Variants in ATP9B observed in about 807,000 individuals in gnomAD.
ATP9B encodes probable phospholipid-transporting ATPase IIB.
ATP9B carries 110 observed loss-of-function variants against 146.1 expected under a neutral mutation model. The ratio of observed to expected loss-of-function variants is 0.75; its 90% CI spans 0.65 to 0.88. ATP9B has a LOEUF of 0.88. Ranked by LOEUF, ATP9B falls within the 40% of genes least tolerant of loss-of-function variation. The pLI, the probability that ATP9B is intolerant of heterozygous loss-of-function variation, is 0.00. For synonymous variants in ATP9B, 604 were observed against 569.7 expected (o/e 1.06, Z -0.86); for missense variants, 1,499 against 1,496.4 (o/e 1.00, Z -0.03).
intron 13 of ATP9B, among the ~76,000 whole-genome samples, chr18:79,284,998 A>C (rs2096420956): frequency 6.6e-6 from 1 of 151,932 alleles, no homozygotes; most frequent in African/African-American, 2.4e-5. Flanking sequence ...TATGTGCCAC[A>C]TTTTCTTAAT....
rs2095466033 is a variant in ATP9B, at chr18:79,200,717, T to TGGGAACTGTCAGGGTCAGAGCAGAGGC, written c.955-6218_955-6217insGAACTGTCAGGGTCAGAGCAGAGGCGG. On this transcript the variant is annotated intron_variant, in intron 9 of 29. Coordinates refer to ENST00000426216, the MANE Select transcript of ATP9B (RefSeq NM_198531.5). ...AAATGTGTTTATGTCAGAGCAGAGG[T>TGGGAACTGTCAGGGTCAGAGCAGAGGC]GGAGGTGGGGACTGTCGGGGTCAGA... 9.3e-5 allele frequency among the ~76,000 whole-genome samples: 9 copies of TGGGAACTGTCAGGGTCAGAGCAGAGGC among 97,074 alleles called. 1 individual carries two copies. Among genetic ancestry groups the TGGGAACTGTCAGGGTCAGAGCAGAGGC allele is most frequent in the African/African-American group, 5.2e-4 (9 of 17,458 alleles). 63.7% of individuals were successfully genotyped at this position (97,074 alleles called of 152,430 possible). A position where few individuals can be genotyped will look rare whatever the true frequency, so the allele number is the denominator to read the frequency against.
intron 8 of ATP9B, among the ~76,000 whole-genome samples, chr18:79,178,713 C>G (rs781248923): frequency 6.6e-6 from 1 of 152,054 alleles, no homozygotes; most frequent in Non-Finnish European, 1.5e-5. Context: ...TGGCATAAAC[C>G]TCACCTAGTA....
At chr18:79,193,696 A>T (rs1211447325) in intron 9 of ATP9B, among the ~76,000 whole-genome samples, 1 of 152,172 alleles carries the variant, frequency 6.6e-6, no homozygotes, top group South Asian at 2.1e-4. Flanking sequence ...ACTTTATATT[A>T]TTACAGAGTT....
intron 8 of ATP9B, among the ~76,000 whole-genome samples, chr18:79,184,470 C>G (rs2148034924): frequency 6.6e-6 from 1 of 152,224 alleles, no homozygotes; most frequent in South Asian, 2.1e-4. Flanking sequence ...CTCATCCTCG[C>G]TCTGCTTCCC....
chr18:79,277,696 A>C (rs1389686473), intron 13 of ATP9B, among the ~76,000 whole-genome samples: 1 of 152,098 alleles, frequency 6.6e-6, no homozygotes, highest in Non-Finnish European at 1.5e-5. Flanking sequence ...TCCTTATTTA[A>C]TTTTCTTCTT....
intron 11 of ATP9B, among the ~76,000 whole-genome samples, chr18:79,220,066 T>C (rs1380212324): frequency 6.6e-6 from 1 of 152,114 alleles, no homozygotes; most frequent in Non-Finnish European, 1.5e-5. Context: ...GCTGGGCTGG[T>C]GCAGAGGTTT....
intron 8 of ATP9B, among the ~76,000 whole-genome samples, chr18:79,188,623 AT>A (rs2095331695): frequency 6.6e-6 from 1 of 152,176 alleles, no homozygotes; most frequent in African/African-American, 2.4e-5. Context: ...CTATTCTCCC[AT>A]TTTGCTATAA....
intron 11 of ATP9B, among the ~76,000 whole-genome samples, chr18:79,243,990 C>CA (rs1340355040): frequency 6.6e-6 from 1 of 152,146 alleles, no homozygotes; most frequent in African/African-American, 2.4e-5. Context: ...GTATCATTAC[C>CA]TCTTAATAAA....
intron 1 of ATP9B, among the ~76,000 whole-genome samples, chr18:79,073,317 A>C (rs1267790535): frequency 6.6e-6 from 1 of 152,118 alleles, no homozygotes; most frequent in African/African-American, 2.4e-5. Context: ...AGATCACCCC[A>C]CTGCACTCCA....
rs76907504 is a variant in ATP9B, at chr18:79,103,267, G to GTT, written c.293+6635_293+6636dup. ...TAACTAAACCAAATAACTATTTGTA[G>GTT]TTTTTTTTTTTTTTTTTTAAGAAAT... On this transcript the variant is annotated intron_variant, in intron 2 of 29. Transcript: ENST00000426216. Among the ~76,000 whole-genome samples the GTT allele has an allele frequency of 4.7e-3, 631 of 133,250 alleles. 6 individuals are homozygous for GTT. The highest frequency in any genetic ancestry group is 0.013 in the African/African-American group (452 of 34,608). The allele number at this position is 133,250 out of a possible 152,430, so 87.4% of individuals were successfully genotyped here.
chr18:79,167,602 A>T (rs574477552), intron 7 of ATP9B, among the ~76,000 whole-genome samples: 17 of 152,176 alleles, frequency 1.1e-4, no homozygotes, highest in Middle Eastern at 3.4e-3. Flanking sequence ...GGTAGTCCCA[A>T]TTTCTGTGTG....
At chr18:79,297,389 T>C (rs1348187985) in intron 13 of ATP9B, among the ~76,000 whole-genome samples, 1 of 151,032 alleles carries the variant, frequency 6.6e-6, no homozygotes, top group Admixed American at 6.6e-5. Context: ...AGAAGACAGA[T>C]GACCCAGAGA....
intron 4 of ATP9B, among the ~76,000 whole-genome samples, chr18:79,114,440 G>A (rs1489758725): frequency 1.3e-5 from 2 of 152,160 alleles, no homozygotes; most frequent in African/African-American, 4.8e-5. Context: ...GTCTGTCCTG[G>A]CCTGGGTAGG....
In ATP9B at chr18:79,075,222, G is replaced by A. The variant is rs150883223; in HGVS notation, c.119+5693G>A. Among the ~76,000 whole-genome samples the A allele has an allele frequency of 3.4e-4, 52 of 152,204 alleles. 1 individual carries two copies. Among genetic ancestry groups the A allele is most frequent in the African/African-American group, 1.1e-3 (46 of 41,532 alleles). On this transcript the variant is annotated intron_variant, in intron 1 of 29. Transcript: ENST00000426216. Reference sequence around the variant, plus strand: ...CTCTCAAGTAGCTGGGACTACAGGCGCTCACTACAGCCTCGACCTTCTGGG... The same window carrying A: ...CTCTCAAGTAGCTGGGACTACAGGCACTCACTACAGCCTCGACCTTCTGGG...
At chr18:79,204,088 T>C (rs2095513414) in intron 9 of ATP9B, among the ~76,000 whole-genome samples, 1 of 152,252 alleles carries the variant, frequency 6.6e-6, no homozygotes, top group Non-Finnish European at 1.5e-5. Context: ...TCAGTTTTTC[T>C]GGATTGTTTA....
intron 8 of ATP9B, among the ~76,000 whole-genome samples, chr18:79,187,764 TCC>T (rs1300259536): frequency 6.6e-6 from 1 of 152,170 alleles, no homozygotes; most frequent in African/African-American, 2.4e-5. Flanking sequence ...ATCAGTTGTT[TCC>T]CATGCATTCT....
At chr18:79,228,635 A>G (rs2148553230) in intron 11 of ATP9B, among the ~76,000 whole-genome samples, 1 of 152,320 alleles carries the variant, frequency 6.6e-6, no homozygotes, top group East Asian at 1.9e-4. Context: ...ATAATAAATA[A>G]TGATTTACTC....
chr18:79,194,989 A>G (rs2095405473), intron 9 of ATP9B, among the ~76,000 whole-genome samples: 1 of 152,168 alleles, frequency 6.6e-6, no homozygotes, highest in African/African-American at 2.4e-5. Context: ...GGGGGAATGT[A>G]TAGGGGCAAG....
At chr18:79,129,173 G>T (rs1398036961) in intron 5 of ATP9B, among the ~76,000 whole-genome samples, 1 of 152,164 alleles carries the variant, frequency 6.6e-6, no homozygotes, top group Non-Finnish European at 1.5e-5. Flanking sequence ...TGTAGTAGCA[G>T]AGGGCAAAAG....
Sources: gnomAD v4.1 joint callset for allele counts (sites outside exome capture counted in the v4.1 genomes callset) on GRCh38, gnomAD v4.1.1 for gene constraint, MANE v1.5 for transcripts, NCBI Gene and HGNC (gene_info 2026-07-23, HGNC 2026-07-21) for gene names.